ST3GAL4: variants seen among roughly 807,000 people sequenced by gnomAD.
The protein encoded by ST3GAL4 is ST3 beta-galactoside alpha-2,3-sialyltransferase 4, also known as CMP-N-acetylneuraminate-beta-galactosamide-alpha-2,3-sialyltransferase 4.
Under a neutral mutation model 42.6 loss-of-function variants are expected in ST3GAL4, and 24 were observed. The ratio of observed to expected loss-of-function variants is 0.56; its 90% CI spans 0.41 to 0.79. The LOEUF (loss-of-function observed/expected upper bound fraction) is 0.79, where lower values mean the gene tolerates loss of function less well. ST3GAL4 is among the 30% of genes least tolerant of loss of function. The probability of loss-of-function intolerance (pLI) is 0.00; values close to 1 mark genes in which losing one functional copy is unlikely to be tolerated. For missense variants in ST3GAL4, 311 were observed against 430.8 expected (o/e 0.72, Z 2.46); for synonymous variants, 135 against 163.2 (o/e 0.83, Z 1.32).
rs529266435 is a variant in ST3GAL4 at position 126,411,102 on chromosome 11, C to T, written c.771+1691C>T. On this transcript the variant is annotated intron_variant, in intron 9 of 10. Coordinates refer to ENST00000444328, the MANE Select transcript of ST3GAL4 (RefSeq NM_001254757.2). This position sits in a 1 kb window ranked among gnomAD's most constrained non-coding sequence, Gnocchi z 6.3. ...GAGGGCGAGGACCTGAACCCAGCTCCTGGCAGTGGGAAGGGAAAAGGAGGA... is the reference window on the plus strand; with the variant it reads ...GAGGGCGAGGACCTGAACCCAGCTCTTGGCAGTGGGAAGGGAAAAGGAGGA... 7.3e-5 allele frequency among the ~76,000 whole-genome samples: 11 copies of T among 151,630 alleles called. No individual in the cohort carries two copies. The South Asian group carries it at 2.3e-3, about 32-fold the overall frequency.
chr11:126,360,150 G>T (rs930097325), intron 1 of ST3GAL4, among the ~76,000 whole-genome samples: 1 of 152,234 alleles, frequency 6.6e-6, no homozygotes, highest in African/African-American at 2.4e-5. Flanking sequence ...GTCTCTTAGA[G>T]GTTGCTCAGG....
intron 1 of ST3GAL4, among the ~76,000 whole-genome samples, chr11:126,368,638 G>T (rs1952523608): frequency 2.0e-5 from 3 of 152,202 alleles, no homozygotes; most frequent in Admixed American, 1.3e-4. Flanking sequence ...GGTACAGCTG[G>T]ACAAAAGGTG....
rs10599019 is a variant in ST3GAL4 at position 126,388,660 on chromosome 11, G to GTTTTTTTTTT, written c.-60-17424_-60-17415dup. On this transcript the variant is annotated intron_variant, in intron 1 of 10. Transcript: ENST00000444328. ...TGCCTATTTTTAAATTAGGTTTCTT[G>GTTTTTTTTTT]TTTTTTTTTTTTTTTTTTTTTCTGA... 2.3e-3 allele frequency among the ~76,000 whole-genome samples: 179 copies of GTTTTTTTTTT among 79,178 alleles called. 1 individual carries two copies. The highest frequency in any genetic ancestry group is 3.2e-3 in the Non-Finnish European group (130 of 41,164). The allele number at this position is 79,178 out of a possible 152,430, so 51.9% of individuals were successfully genotyped here.
At position 126,398,576 on chromosome 11, in the gene ST3GAL4, A is replaced by C. The variant is rs1028971002; in HGVS notation, c.-60-7520A>C. Among the ~76,000 whole-genome samples, 2 of 152,188 alleles carry C rather than the reference A, an allele frequency of 1.3e-5. No homozygotes were observed. Among genetic ancestry groups the C allele is most frequent in the African/African-American group, 4.8e-5 (2 of 41,440 alleles). ...ATGGCCTTACTCCCACAGCTCCACTAGGCTTCCTGGGGACTCTCAGCAGCT... is the reference window on the plus strand; with the variant it reads ...ATGGCCTTACTCCCACAGCTCCACTCGGCTTCCTGGGGACTCTCAGCAGCT... On this transcript the variant is annotated intron_variant, in intron 1 of 10. Transcript: ENST00000444328. The surrounding 1 kb of genome is among the most constrained non-coding windows in gnomAD (Gnocchi z 4.7).
At chr11:126,369,801 C>A (rs1272312106) in intron 1 of ST3GAL4, among the ~76,000 whole-genome samples, 1 of 152,160 alleles carries the variant, frequency 6.6e-6, no homozygotes, top group Non-Finnish European at 1.5e-5. Flanking sequence ...CTCTCCCACC[C>A]GCCCTCTTGA....
intron 10 of ST3GAL4, 30 bp from the exon 11 acceptor site, chr11:126,413,931 C>T: frequency 6.2e-7 from 1 of 1,613,096 alleles, no homozygotes; most frequent in East Asian, 2.2e-5. Flanking sequence ...CTGGGAGTCC[C>T]TCAGTTTATT....
rs1954531452 is a variant in ST3GAL4 at position 126,411,663 on chromosome 11, G to T, written c.772-1842G>T. ...TCATTCTTGTGGTTGAAATAATTCG[G>T]TTCCTGCGATTGTAGAACTGAGGTC... On this transcript the variant is annotated intron_variant, in intron 9 of 10. Coordinates refer to ENST00000444328, the MANE Select transcript of ST3GAL4 (RefSeq NM_001254757.2). This position sits in a 1 kb window ranked among gnomAD's most constrained non-coding sequence, Gnocchi z 6.3. 1.3e-5 allele frequency among the ~76,000 whole-genome samples: 2 copies of T among 152,268 alleles called. No individual in the cohort carries two copies. Among genetic ancestry groups the T allele is most frequent in the South Asian group, 4.2e-4 (2 of 4,816 alleles).
At chr11:126,385,374 G>C (rs1359233339) in intron 1 of ST3GAL4, among the ~76,000 whole-genome samples, 2 of 151,742 alleles carry the variant, frequency 1.3e-5, no homozygotes, top group East Asian at 3.9e-4. Context: ...GGATGGTCTC[G>C]ATCTCCTGAC....
chr11:126,392,446 A>C lies in ST3GAL4; in HGVS notation c.-60-13650A>C. The C allele has an allele frequency of 9.6e-4, 848 of 879,662 alleles. No individual in the cohort carries two copies. The highest frequency in any genetic ancestry group is 1.1e-3 in the Non-Finnish European group (785 of 733,006). 54.5% of individuals were successfully genotyped at this position (879,662 alleles called of 1,614,324 possible). A position where few individuals can be genotyped will look rare whatever the true frequency, so the allele number is the denominator to read the frequency against. ...GGATAAAGCAGGTCCTTGTGAGCTCATCGACATGCATTTGGCAGAAAGTGC... is the reference window on the plus strand; with the variant it reads ...GGATAAAGCAGGTCCTTGTGAGCTCCTCGACATGCATTTGGCAGAAAGTGC... On this transcript the variant is annotated intron_variant, in intron 1 of 10. Coordinates refer to ENST00000444328, the MANE Select transcript of ST3GAL4 (RefSeq NM_001254757.2). The surrounding 1 kb of genome is among the most constrained non-coding windows in gnomAD (Gnocchi z 5.8).
In ST3GAL4 at chr11:126,400,055, C is replaced by A. The variant is rs1238661151; in HGVS notation, c.-60-6041C>A. 6.6e-6 allele frequency among the ~76,000 whole-genome samples: 1 copy of A among 152,110 alleles called. No individual in the cohort carries two copies. ...TCTCTTTTCTTCCTTTCCCTCCCCT[C>A]CCCTGCTTTCCTCTCCCCTCTCCAC... On this transcript the variant is annotated intron_variant, in intron 1 of 10. Coordinates refer to ENST00000444328, the MANE Select transcript of ST3GAL4 (RefSeq NM_001254757.2). This position sits in a 1 kb window ranked among gnomAD's most constrained non-coding sequence, Gnocchi z 4.6.
intron 1 of ST3GAL4, among the ~76,000 whole-genome samples, chr11:126,357,620 G>T (rs1565387974): frequency 6.6e-6 from 1 of 152,300 alleles, no homozygotes; most frequent in East Asian, 1.9e-4. Flanking sequence ...CGGTTTTCTG[G>T]ATAGAACTAA....
In ST3GAL4 at chr11:126,363,264, C is replaced by T. The variant is rs1415692348; in HGVS notation, c.-61+7422C>T. Reference sequence around the variant, plus strand: ...CCTTTCTGTCTGCCTTCTCTTTCCACCCCTAGATTTCTCACCATCTTCAGT... The same window carrying T: ...CCTTTCTGTCTGCCTTCTCTTTCCATCCCTAGATTTCTCACCATCTTCAGT... On this transcript the variant is annotated intron_variant, in intron 1 of 10. Coordinates refer to ENST00000444328, the MANE Select transcript of ST3GAL4 (RefSeq NM_001254757.2). This position sits in a 1 kb window ranked among gnomAD's most constrained non-coding sequence, Gnocchi z 4.6. 6.6e-6 allele frequency among the ~76,000 whole-genome samples: 1 copy of T among 152,246 alleles called. No homozygotes were observed. The highest frequency in any genetic ancestry group is 1.5e-5 in the Non-Finnish European group (1 of 68,042).
chr11:126,392,960 CTTTTTTTTT>C lies in ST3GAL4; in HGVS notation c.-60-13126_-60-13118del, dbSNP rs34002567. Among the ~76,000 whole-genome samples, 1 of 127,842 alleles carries C rather than the reference CTTTTTTTTT, an allele frequency of 7.8e-6. No individual in the cohort carries two copies. The highest frequency in any genetic ancestry group is 2.5e-4 in the South Asian group (1 of 3,946). The allele number at this position is 127,842 out of a possible 152,430, so 83.9% of individuals were successfully genotyped here. The stretch of plus-strand genomic sequence containing the variant: ...ATTTGTAACACGACCAACTCCTGTT[CTTTTTTTTT>C]TTTTTTTTTGAGACAGGCTAGAGTG... On this transcript the variant is annotated intron_variant, in intron 1 of 10. Coordinates refer to ENST00000444328, the MANE Select transcript of ST3GAL4 (RefSeq NM_001254757.2). This position sits in a 1 kb window ranked among gnomAD's most constrained non-coding sequence, Gnocchi z 5.8.
intron 1 of ST3GAL4, among the ~76,000 whole-genome samples, chr11:126,368,731 C>T (rs1591423448): frequency 6.6e-6 from 1 of 152,326 alleles, no homozygotes; most frequent in East Asian, 1.9e-4. Flanking sequence ...TGGAGAAAGA[C>T]AAACACTGGT....
intron 1 of ST3GAL4, among the ~76,000 whole-genome samples, chr11:126,389,443 G>T (rs1365335313): frequency 6.6e-6 from 1 of 152,080 alleles, no homozygotes; most frequent in Admixed American, 6.5e-5. Context: ...ACTTAAAGTT[G>T]GGTGTCAACC....
chr11:126,377,210 G>A (rs534100045), intron 1 of ST3GAL4, among the ~76,000 whole-genome samples: 9 of 151,408 alleles, frequency 5.9e-5, no homozygotes, highest in Non-Finnish European at 4.4e-5. Flanking sequence ...TTACTCTGTC[G>A]CCCAGGCTGG....
In ST3GAL4 at chr11:126,378,057, G is replaced by A. The variant is rs1720043876; in HGVS notation, c.-61+22215G>A. Among the ~76,000 whole-genome samples the A allele has an allele frequency of 6.6e-6, 1 of 152,102 alleles. No homozygotes were observed. Among genetic ancestry groups the A allele is most frequent in the African/African-American group, 2.4e-5 (1 of 41,408 alleles). ...GGGATATTATGATTCTCTTTTGTGA[G>A]GGGTCACTTTATGTACAAATGACTC... On this transcript the variant is annotated intron_variant, in intron 1 of 10. Coordinates refer to ENST00000444328, the MANE Select transcript of ST3GAL4 (RefSeq NM_001254757.2). This position sits in a 1 kb window ranked among gnomAD's most constrained non-coding sequence, Gnocchi z 5.3.
At chr11:126,413,182 G>A (rs1396296368) in intron 9 of ST3GAL4, among the ~76,000 whole-genome samples, 5 of 152,264 alleles carry the variant, frequency 3.3e-5, no homozygotes, top group East Asian at 3.9e-4. Flanking sequence ...CTTAGCGCAC[G>A]ACAGCCCAGG....
rs577081386 is a variant in ST3GAL4 at position 126,376,240 on chromosome 11, C to A, written c.-61+20398C>A. ...CAGGATAGTGGGCAATATTTGAAAG[C>A]CAGTAAATATAAAATAAAATATATT... On this transcript the variant is annotated intron_variant, in intron 1 of 10. Transcript: ENST00000444328. The surrounding 1 kb of genome is among the most constrained non-coding windows in gnomAD (Gnocchi z 5.1). Among the ~76,000 whole-genome samples, 1 of 152,048 alleles carries A rather than the reference C, an allele frequency of 6.6e-6. No homozygotes were observed.
Sources: gnomAD v4.1 joint callset for allele counts (sites outside exome capture counted in the v4.1 genomes callset) on GRCh38, gnomAD v4.1.1 for gene constraint, Gnocchi (gnomAD v3.1) non-coding constraint, MANE v1.5 for transcripts, NCBI Gene and HGNC (gene_info 2026-07-23, HGNC 2026-07-21) for gene names.